The following PRKG1 variants were observed in gnomAD, a reference collection of about 807,000 sequenced individuals.
PRKG1 encodes the protein cGMP-dependent protein kinase 1.
Under a neutral mutation model 88.1 loss-of-function variants are expected in PRKG1, and 35 were observed. That is an observed-to-expected ratio of 0.40 (90% CI 0.30 to 0.53). The LOEUF (loss-of-function observed/expected upper bound fraction) is 0.53. PRKG1 is among the 20% of genes least tolerant of loss of function. The probability of loss-of-function intolerance (pLI) is 0.59; values close to 1 mark genes in which losing one functional copy is unlikely to be tolerated. For missense variants in PRKG1, 540 were observed against 839.8 expected (o/e 0.64, Z 4.41); for synonymous variants, 303 against 292.5 (o/e 1.04, Z -0.37).
At chr10:51,203,373 T>C (rs1285974443) in intron 2 of PRKG1, among the ~76,000 whole-genome samples, 2 of 152,212 alleles carry the variant, frequency 1.3e-5, no homozygotes, top group African/African-American at 4.8e-5. Context: ...TTCCTTCTGT[T>C]ATATTTTCGT....
intron 5 of PRKG1, among the ~76,000 whole-genome samples, chr10:52,020,294 T>G (rs1845150160): frequency 2.6e-5 from 4 of 152,176 alleles, no homozygotes; most frequent in African/African-American, 9.7e-5. Flanking sequence ...AACTGAGTCT[T>G]TTTCATCTGT....
At chr10:52,138,113 A>T (rs1837476627) in intron 8 of PRKG1, among the ~76,000 whole-genome samples, 1 of 151,942 alleles carries the variant, frequency 6.6e-6, no homozygotes. Flanking sequence ...AAATGGAAAC[A>T]TTTTCATGCT....
chr10:51,703,675 A>C (rs1841530108), intron 3 of PRKG1, among the ~76,000 whole-genome samples: 1 of 152,200 alleles, frequency 6.6e-6, no homozygotes, highest in Non-Finnish European at 1.5e-5. Flanking sequence ...GAAGGTCTGT[A>C]AATGTGGTCC....
At chr10:51,794,095 A>C (rs1293941627) in intron 3 of PRKG1, among the ~76,000 whole-genome samples, 3 of 152,168 alleles carry the variant, frequency 2.0e-5, no homozygotes. Context: ...AAAACTTTAC[A>C]AAGAAACAAA....
chr10:51,167,994 A>G (rs1406856583), intron 2 of PRKG1, among the ~76,000 whole-genome samples: 1 of 152,182 alleles, frequency 6.6e-6, no homozygotes, highest in Admixed American at 6.6e-5. Context: ...CATCAGATTA[A>G]ATGGCAAATT....
intron 6 of PRKG1, among the ~76,000 whole-genome samples, chr10:52,057,071 T>A (rs2133259292): frequency 6.6e-6 from 1 of 152,286 alleles, no homozygotes; most frequent in African/African-American, 2.4e-5. Context: ...AAAAAATGTA[T>A]AAAGGATAAC....
At chr10:51,637,607 T>C (rs955290848) in intron 3 of PRKG1, among the ~76,000 whole-genome samples, 1 of 152,222 alleles carries the variant, frequency 6.6e-6, no homozygotes, top group African/African-American at 2.4e-5. Flanking sequence ...AACGAGATTA[T>C]GTCCTCTGAA....
At chr10:52,225,163 G>T (rs925576939) in intron 9 of PRKG1, among the ~76,000 whole-genome samples, 8 of 151,704 alleles carry the variant, frequency 5.3e-5, no homozygotes, top group Non-Finnish European at 7.4e-5. Context: ...TGATTTTTTT[G>T]ATTATGGCTA....
At chr10:51,885,392 C>T (rs1328347036) in intron 4 of PRKG1, among the ~76,000 whole-genome samples, 1 of 152,222 alleles carries the variant, frequency 6.6e-6, no homozygotes, top group African/African-American at 2.4e-5. Flanking sequence ...AATGTATTTT[C>T]TCATGTAATT....
At chr10:51,086,762 A>G (rs1369952024) in intron 1 of PRKG1, among the ~76,000 whole-genome samples, 1 of 152,172 alleles carries the variant, frequency 6.6e-6, no homozygotes, top group Non-Finnish European at 1.5e-5. Flanking sequence ...ATCATCAAAG[A>G]GGAGGATACT....
At chr10:51,920,818 T>C (rs894329681) in intron 5 of PRKG1, among the ~76,000 whole-genome samples, 2 of 152,094 alleles carry the variant, frequency 1.3e-5, no homozygotes, top group African/African-American at 4.8e-5. Context: ...GTAGACCTTA[T>C]TATTTTTAGA....
intron 5 of PRKG1, among the ~76,000 whole-genome samples, chr10:51,998,149 A>T (rs1844499933): frequency 6.6e-6 from 1 of 152,214 alleles, no homozygotes; most frequent in Non-Finnish European, 1.5e-5. Context: ...TACATTTTTT[A>T]AAAATACTAT....
At chr10:52,025,203 T>C (rs571730912) in intron 5 of PRKG1, among the ~76,000 whole-genome samples, 2 of 152,322 alleles carry the variant, frequency 1.3e-5, no homozygotes, top group South Asian at 2.1e-4. Flanking sequence ...TTTGTTTAAG[T>C]TCTTTGTAGA....
chr10:51,249,248 T>C (rs1287853971), intron 2 of PRKG1, among the ~76,000 whole-genome samples: 4 of 151,862 alleles, frequency 2.6e-5, no homozygotes, highest in East Asian at 1.9e-4. Flanking sequence ...AAGAAAATGT[T>C]AGTAATGGGG....
intron 2 of PRKG1, among the ~76,000 whole-genome samples, chr10:51,258,913 C>A (rs1298579677): frequency 6.6e-6 from 1 of 152,142 alleles, no homozygotes; most frequent in African/African-American, 2.4e-5. Context: ...TTAGTGCTAG[C>A]CAGATCACTG....
At chr10:51,637,623 A>G (rs1839691368) in intron 3 of PRKG1, among the ~76,000 whole-genome samples, 1 of 152,232 alleles carries the variant, frequency 6.6e-6, no homozygotes, top group Non-Finnish European at 1.5e-5. Context: ...CTGAAGAGAC[A>G]TGGATGGAGT....
intron 3 of PRKG1, among the ~76,000 whole-genome samples, chr10:51,695,066 T>TAATA (rs1841252682): frequency 6.6e-6 from 1 of 152,176 alleles, no homozygotes; most frequent in African/African-American, 2.4e-5. Context: ...CTAATAACTC[T>TAATA]AATAAAATAT....
chr10:52,131,474 CA>C lies in PRKG1; in HGVS notation c.936-2362del, dbSNP rs534526393. On this transcript the variant is annotated intron_variant, in intron 7 of 17. Transcript: ENST00000373980. ...AAGAGATAAGAAGGGGTGAACTAAG[CA>C]AAAGTTAGAGAGGAACTTCCTAGGC... Among the ~76,000 whole-genome samples the C allele has an allele frequency of 1.9e-4, 29 of 151,968 alleles. No individual in the cohort carries two copies. In the East Asian group the frequency reaches 5.4e-3, roughly 29 times the overall value.
At chr10:51,687,873 A>T (rs1242765009) in intron 3 of PRKG1, among the ~76,000 whole-genome samples, 1 of 152,178 alleles carries the variant, frequency 6.6e-6, no homozygotes, top group African/African-American at 2.4e-5. Context: ...AATAATTTCA[A>T]TTATGCTGTC....
Sources: allele counts gnomAD v4.1 joint callset (sites outside exome capture counted in the v4.1 genomes callset), GRCh38; gene constraint gnomAD v4.1.1; transcripts MANE v1.5; gene names NCBI Gene and HGNC (gene_info 2026-07-23, HGNC 2026-07-21).